The following IFTAP variants were observed in gnomAD, a reference collection of about 807,000 sequenced individuals.
IFTAP encodes intraflagellar transport-associated protein.
IFTAP carries 19 observed loss-of-function variants against 19.4 expected under a neutral mutation model. The observed-to-expected ratio is 0.98, with a 90% CI of 0.68 to 1.44. The LOEUF (loss-of-function observed/expected upper bound fraction) is 1.44, where lower values mean the gene tolerates loss of function less well. IFTAP is among the 40% of genes most tolerant of loss of function. The pLI is 0.00. For synonymous variants in IFTAP, 85 were observed against 83.5 expected (o/e 1.02, Z -0.10); for missense variants, 240 against 253.6 (o/e 0.95, Z 0.36).
intron 2 of IFTAP, among the ~76,000 whole-genome samples, chr11:36,626,787 C>T (rs1852532369): frequency 6.6e-6 from 1 of 151,172 alleles, no homozygotes; most frequent in African/African-American, 2.5e-5. Context: ...TGAGCATCAG[C>T]ATTTCTACCA....
intron 2 of IFTAP, among the ~76,000 whole-genome samples, chr11:36,613,203 T>C (rs11033711): frequency 0.041 from 6,202 of 152,142 alleles, 409 homozygotes; most frequent in African/African-American, 0.14. Context: ...GTTGACATTG[T>C]GGACAAAGAT....
At chr11:36,633,951 G>A (rs1852831269) in intron 3 of IFTAP, among the ~76,000 whole-genome samples, 1 of 152,046 alleles carries the variant, frequency 6.6e-6, no homozygotes, top group Admixed American at 6.6e-5. Context: ...AATTATAGTG[G>A]AAACTGTTCT....
chr11:36,597,679 A>T (rs565734911), intron 1 of IFTAP: 14 of 152,120 alleles, frequency 9.2e-5, no homozygotes, highest in Non-Finnish European at 1.6e-4. Flanking sequence ...AATCTTGCTG[A>T]TCCGTGCTGG....
At chr11:36,642,561 G>T (rs1382373704) in intron 4 of IFTAP, among the ~76,000 whole-genome samples, 3 of 152,030 alleles carry the variant, frequency 2.0e-5, no homozygotes, top group Non-Finnish European at 2.9e-5. Context: ...CAAAAAAAGA[G>T]AATTTTAGAC....
Position 36,659,021 on chromosome 11 carries a change from A to G in IFTAP, c.501A>G (p.Ile167Met), listed in dbSNP as rs1443430901. ...VKRMDKQTEE[I>M]LGDEVQLFSL... ...TCCTCCTTTGTTACCTTTTATAGATACTTGGAGATGAAGTTCAACTTTTTT... is the reference window on the plus strand; with the variant it reads ...TCCTCCTTTGTTACCTTTTATAGATGCTTGGAGATGAAGTTCAACTTTTTT... Residue 167 changes from isoleucine to methionine, a missense_variant and splice_region_variant, in exon 6 of 6, where the codon ATA becomes ATG. Coordinates refer to ENST00000334307, the MANE Select transcript of IFTAP (RefSeq NM_138787.4). The G allele has an allele frequency of 3.1e-6, 5 of 1,587,338 alleles. No homozygotes were observed. The East Asian group carries it at 6.8e-5, about 22-fold the overall frequency.
intron 2 of IFTAP, among the ~76,000 whole-genome samples, chr11:36,620,241 C>G (rs1852243468): frequency 6.6e-6 from 1 of 151,932 alleles, no homozygotes; most frequent in Non-Finnish European, 1.5e-5. Flanking sequence ...TCAAACATCA[C>G]ATAGAACACT....
chr11:36,647,855 A>G (rs1174765757), intron 4 of IFTAP, among the ~76,000 whole-genome samples, 161 bp from the exon 5 acceptor site: 2 of 152,178 alleles, frequency 1.3e-5, no homozygotes, highest in African/African-American at 4.8e-5. Context: ...GGAAAGGGCA[A>G]TCCCTTGAGT....
intron 1 of IFTAP, among the ~76,000 whole-genome samples, chr11:36,607,392 TAG>T (rs1851731231): frequency 1.3e-5 from 2 of 152,268 alleles, no homozygotes; most frequent in South Asian, 4.1e-4. Context: ...TTTTGGAGTT[TAG>T]AAAGGTAATC....
Position 36,648,081 on chromosome 11 carries a change from T to G in IFTAP, c.424T>G (p.Phe142Val). The G allele has an allele frequency of 6.8e-6, 11 of 1,613,482 alleles. No homozygotes were observed. The highest frequency in any genetic ancestry group is 9.3e-6 in the Non-Finnish European group (11 of 1,179,612). Residue 142 changes from phenylalanine to valine, a missense_variant, in exon 5 of 6, where the codon TTT (phenylalanine) becomes GTT (valine). By Grantham distance (50) the Phe-to-Val change is conservative. Transcript: ENST00000334307. ...VSTSIPSCIP[F>V]VAQPPTCEVK... Reference sequence around the variant, plus strand: ...CACCAGCATTCCTTCCTGTATCCCTTTTGTGGCCCAGCCTCCTACCTGTGA... The same window carrying G: ...CACCAGCATTCCTTCCTGTATCCCTGTTGTGGCCCAGCCTCCTACCTGTGA...
At chr11:36,613,430 G>T (rs1178529266) in intron 2 of IFTAP, among the ~76,000 whole-genome samples, 2 of 151,850 alleles carry the variant, frequency 1.3e-5, no homozygotes, top group African/African-American at 4.8e-5. Context: ...TGAGTGTCTT[G>T]TTATGGTCCA....
chr11:36,603,505 G>A (rs1851581057), intron 1 of IFTAP, among the ~76,000 whole-genome samples: 1 of 152,174 alleles, frequency 6.6e-6, no homozygotes, highest in African/African-American at 2.4e-5. Context: ...GTTCCAAAGA[G>A]GTATATAGGG....
intron 5 of IFTAP, among the ~76,000 whole-genome samples, chr11:36,650,704 C>T (rs1012178599): frequency 2.0e-5 from 3 of 152,098 alleles, no homozygotes; most frequent in African/African-American, 7.2e-5. Context: ...ATCCCTCCCC[C>T]CTTCCCCCAC....
chr11:36,648,148 C>T lies in IFTAP; in HGVS notation c.491C>T (p.Thr164Met), dbSNP rs200543942. The T allele has an allele frequency of 2.9e-5, 47 of 1,612,578 alleles. No homozygotes were observed. The highest frequency in any genetic ancestry group is 6.7e-5 in the African/African-American group (5 of 74,958). The change falls in exon 5 of 6, where the codon ACG (threonine) becomes ATG (methionine). Residue 164 changes from threonine (T) to methionine (M), a missense_variant. Physicochemically the swap from Thr to Met is moderately conservative, Grantham distance 81 (BLOSUM62 -1). Coordinates refer to ENST00000334307, the MANE Select transcript of IFTAP (RefSeq NM_138787.4). ...KPSVKRMDKQTEEILGDEVQL... is the reference protein window; with the variant it reads ...KPSVKRMDKQMEEILGDEVQL... ...AGTGTTAAAAGAATGGACAAACAGA[C>T]GGAAGAGGTACTCCACAGGGAATTC...
At chr11:36,657,478 A>G (rs532092595) in intron 5 of IFTAP, among the ~76,000 whole-genome samples, 16 of 152,236 alleles carry the variant, frequency 1.1e-4, no homozygotes, top group Middle Eastern at 6.8e-3. Context: ...AGCCTTGAGT[A>G]CAGTTTTCTA....
intron 4 of IFTAP, among the ~76,000 whole-genome samples, chr11:36,645,301 T>C (rs1853437211): frequency 6.6e-6 from 1 of 152,090 alleles, no homozygotes; most frequent in Non-Finnish European, 1.5e-5. Flanking sequence ...ACTTTTTAAA[T>C]AGTAGAATTT....
At chr11:36,658,145 G>A (rs1565036519) in intron 5 of IFTAP, among the ~76,000 whole-genome samples, 2 of 152,038 alleles carry the variant, frequency 1.3e-5, no homozygotes, top group African/African-American at 2.4e-5. Flanking sequence ...TTATAGCTTC[G>A]GGACATTTTT....
At chr11:36,627,629 C>G (rs1029404312) in intron 2 of IFTAP, among the ~76,000 whole-genome samples, 6 of 151,280 alleles carry the variant, frequency 4.0e-5, no homozygotes, top group Non-Finnish European at 8.8e-5. Context: ...AGCTGTTGCT[C>G]TGTTAGGAAT....
intron 1 of IFTAP, among the ~76,000 whole-genome samples, chr11:36,599,649 T>A (rs1851428143): frequency 6.6e-6 from 1 of 152,190 alleles, no homozygotes; most frequent in Non-Finnish European, 1.5e-5. Context: ...TTGATTTTTT[T>A]TTAAACAGAT....
intron 2 of IFTAP, among the ~76,000 whole-genome samples, chr11:36,627,948 C>T (rs761310851): frequency 5.3e-5 from 8 of 150,984 alleles, no homozygotes; most frequent in Admixed American, 2.0e-4. Context: ...GGAAACATAA[C>T]CAGTTGGAGA....
Sources: allele counts gnomAD v4.1 joint callset (sites outside exome capture counted in the v4.1 genomes callset), GRCh38; gene constraint gnomAD v4.1.1; transcripts MANE v1.5; gene names NCBI Gene and HGNC (gene_info 2026-07-23, HGNC 2026-07-21).